Variants in AOX1 observed in about 807,000 individuals in gnomAD.
AOX1 encodes aldehyde oxidase 1.
AOX1 carries 153 observed loss-of-function variants against 169.5 expected under a neutral mutation model. The observed-to-expected ratio is 0.90, with a 90% CI of 0.79 to 1.03. The LOEUF (loss-of-function observed/expected upper bound fraction) is 1.03, where lower values mean the gene tolerates loss of function less well. Ranked by LOEUF, AOX1 falls within the 50% of genes least tolerant of loss-of-function variation. The pLI, the probability that AOX1 is intolerant of heterozygous loss-of-function variation, is 0.00. For synonymous variants in AOX1, 562 were observed against 581.9 expected, an observed-to-expected ratio of 0.97 and a Z score of 0.49; for missense variants, 1,656 against 1,663.9, an observed-to-expected ratio of 1.00 and a Z score of 0.08.
Position 200,661,678 on chromosome 2 carries a change from C to A in AOX1, c.3428+47C>A, listed in dbSNP as rs762294917. On this transcript the variant is annotated intron_variant, in intron 30 of 34. Transcript: ENST00000374700. The stretch of plus-strand genomic sequence containing the variant: ...ATGCTATGGAGAAGAACAGTGGTAT[C>A]TTGAGGAAGAGTTTCAGTTCCCTTG... 4.1e-6 allele frequency: 6 copies of A among 1,464,742 alleles called. No individual in the cohort carries two copies. In the South Asian group the frequency reaches 5.8e-5, roughly 14 times the overall value. 90.7% of individuals were successfully genotyped at this position (1,464,742 alleles called of 1,614,324 possible). A position where few individuals can be genotyped will look rare whatever the true frequency, so the allele number is the denominator to read the frequency against.
At chr2:200,630,725 T>C (rs973308436) in intron 20 of AOX1, among the ~76,000 whole-genome samples, 4 of 152,174 alleles carry the variant, frequency 2.6e-5, no homozygotes, top group Admixed American at 6.5e-5. Flanking sequence ...TATCGTCTTT[T>C]GGATTATGAG....
At chr2:200,608,904 A>G (rs780929970) in intron 10 of AOX1, 80 bp from the exon 11 acceptor site, 26 of 1,290,886 alleles carry the variant, frequency 2.0e-5, no homozygotes, top group Non-Finnish European at 2.8e-5. Flanking sequence ...TAAAGATTCT[A>G]TGTCTGTAGC....
At chr2:200,637,832 T>C (rs1329570084) in intron 22 of AOX1, among the ~76,000 whole-genome samples, 2 of 152,208 alleles carry the variant, frequency 1.3e-5, no homozygotes, top group Admixed American at 6.5e-5. Context: ...AATACCTTGA[T>C]TCCAGATCTC....
At chr2:200,602,144 T>C in intron 5 of AOX1, 140 bp from the exon 6 acceptor site, 1 of 602,714 alleles carries the variant, frequency 1.7e-6, no homozygotes, top group East Asian at 2.9e-5. Flanking sequence ...GTTGAAAAGA[T>C]CTGACTTTGT....
In AOX1 at chr2:200,663,028, A is replaced by G. The variant is rs1460547181; in HGVS notation, c.3543+59A>G. 3.0e-6 allele frequency: 4 copies of G among 1,340,618 alleles called. No individual in the cohort carries two copies. In the East Asian group the frequency reaches 9.2e-5, roughly 31 times the overall value. The allele number at this position is 1,340,618 out of a possible 1,614,324, so 83.0% of individuals were successfully genotyped here. A position where few individuals can be genotyped will look rare whatever the true frequency, so the allele number is the denominator to read the frequency against. On this transcript the variant is annotated intron_variant, in intron 31 of 34. Transcript: ENST00000374700. ...CTTAGGATGCACCTAAATTCCACAG[A>G]TGCCATCTATCTGAGGAGAGCTTAG...
chr2:200,602,393 G>A (rs370334195), intron 6 of AOX1, 48 bp downstream of exon 6: 194 of 1,542,186 alleles, frequency 1.3e-4, no homozygotes, highest in Non-Finnish European at 1.5e-4. Context: ...CCAGTGAAAC[G>A]AAATGGTAAT....
At chr2:200,620,602 C>A in intron 16 of AOX1, 48 bp from the exon 17 acceptor site, 3 of 1,413,298 alleles carry the variant, frequency 2.1e-6, no homozygotes, top group South Asian at 1.6e-5. Context: ...ATAATTCCTA[C>A]TTTCTCTATA....
chr2:200,588,726 C>CTTGTTTTTTTTTTTTTTTTTT (rs2034096051), intron 1 of AOX1, among the ~76,000 whole-genome samples: 1 of 53,986 alleles, frequency 1.9e-5, no homozygotes. Context: ...CTAGAATAAG[C>CTTGTTTTTTTTTTTTTTTTTT]TTTTTTTTTT....
At chr2:200,604,991 G>T in intron 9 of AOX1, 151 bp downstream of exon 9, 1 of 712,540 alleles carries the variant, frequency 1.4e-6, no homozygotes, top group Non-Finnish European at 2.3e-6. Flanking sequence ...GACTTCCTGA[G>T]CATTGCTCAA....
At chr2:200,657,776 A>G (rs2035723590) in intron 27 of AOX1, among the ~76,000 whole-genome samples, 1 of 152,204 alleles carries the variant, frequency 6.6e-6, no homozygotes, top group Non-Finnish European at 1.5e-5. Flanking sequence ...CATAATAGTA[A>G]CATTATAGAT....
intron 16 of AOX1, among the ~76,000 whole-genome samples, chr2:200,620,199 C>T (rs56039423): frequency 0.17 from 22,021 of 130,820 alleles, 2,207 homozygotes; most frequent in Non-Finnish European, 0.21. Context: ...TTAATAGTGA[C>T]TTTTTTTTTT....
downstream of AOX1, among the ~76,000 whole-genome samples, chr2:200,672,534 A>G (rs2036044283): frequency 6.6e-6 from 1 of 152,246 alleles, no homozygotes; most frequent in African/African-American, 2.4e-5. Flanking sequence ...GTATTTATAG[A>G]GCATTTTACT....
intron 19 of AOX1, among the ~76,000 whole-genome samples, chr2:200,626,851 T>C (rs1457975388): frequency 6.6e-6 from 1 of 152,262 alleles, no homozygotes; most frequent in Non-Finnish European, 1.5e-5. Context: ...TATTTCATTT[T>C]ATCTTCACCA....
chr2:200,661,400 A>G (rs557214899), intron 29 of AOX1, among the ~76,000 whole-genome samples, 179 bp from the exon 30 acceptor site: 2 of 152,346 alleles, frequency 1.3e-5, no homozygotes, highest in South Asian at 4.1e-4. Context: ...TGCTGAACAA[A>G]CAGCTACAAG....
At position 200,661,593 on chromosome 2, in the gene AOX1, T is replaced by G; in HGVS notation, c.3390T>G (p.Phe1130Leu). 1 of 1,613,418 alleles carries G rather than the reference T, an allele frequency of 6.2e-7. No individual in the cohort carries two copies. Among genetic ancestry groups the G allele is most frequent in the South Asian group, 1.1e-5 (1 of 91,070 alleles). The stretch of plus-strand genomic sequence containing the variant: ...TTCCTTCACAGGCACAGACTGCTTT[T>G]GATGAAAGCATTAACCTTTCAGCTG... ...GTWKDWAQTAFDESINLSAVG... is the reference protein window; with the variant it reads ...GTWKDWAQTALDESINLSAVG... The change falls in exon 30 of 35, where the codon TTT becomes TTG. Residue 1130 changes from phenylalanine to leucine, a missense_variant. Physicochemically the swap from Phe to Leu is conservative, Grantham distance 22. Transcript: ENST00000374700.
intron 20 of AOX1, among the ~76,000 whole-genome samples, chr2:200,630,098 G>C (rs1366892401): frequency 2.0e-5 from 3 of 151,528 alleles, no homozygotes; most frequent in African/African-American, 7.3e-5. Context: ...AGGAAGCCGG[G>C]CATGGTGGCT....
At position 200,651,220 on chromosome 2, in the gene AOX1, C is replaced by T. The variant is rs760616914; in HGVS notation, c.3075+19C>T. 6.2e-7 allele frequency: 1 copy of T among 1,605,126 alleles called. No individual in the cohort carries two copies. The highest frequency in any genetic ancestry group is 8.5e-7 in the Non-Finnish European group (1 of 1,171,860). ...TGGTCAGGTGAGTTCTCCAAATGCA[C>T]ATGAGGATGCTGCCTGGAAGCAGCC... On this transcript the variant is annotated intron_variant, in intron 26 of 34. Coordinates refer to ENST00000374700, the MANE Select transcript of AOX1 (RefSeq NM_001159.4).
chr2:200,613,027 T>TGAGA (rs71022328), intron 14 of AOX1, among the ~76,000 whole-genome samples: 82 of 146,178 alleles, frequency 5.6e-4, no homozygotes, highest in Admixed American at 8.2e-4. Context: ...TGTGTGTGTG[T>TGAGA]GAGAGAGAGA....
At chr2:200,645,405 C>A (rs1157156181) in intron 25 of AOX1, among the ~76,000 whole-genome samples, 2 of 152,112 alleles carry the variant, frequency 1.3e-5, no homozygotes, top group Non-Finnish European at 2.9e-5. Context: ...ATCCCTGTAT[C>A]CCTGGTATGA....
Sources: allele counts gnomAD v4.1 joint callset (sites outside exome capture counted in the v4.1 genomes callset), GRCh38; gene constraint gnomAD v4.1.1; transcripts MANE v1.5; gene names NCBI Gene and HGNC (gene_info 2026-07-23, HGNC 2026-07-21).